NCKAP5: variants seen among roughly 807,000 people sequenced by gnomAD.
The protein encoded by NCKAP5 is nck-associated protein 5.
A neutral mutation model predicts 167.0 loss-of-function variants in NCKAP5; 92 were observed. That is an observed-to-expected ratio of 0.55 (90% confidence interval 0.47 to 0.66). The LOEUF is 0.66. Among genes scored for constraint, NCKAP5 ranks in the 30% least tolerant of loss-of-function variants. The pLI is 0.00. For synonymous variants in NCKAP5, 891 were observed against 877.4 expected, an observed-to-expected ratio of 1.02 and a Z score of -0.27; for missense variants, 2,378 against 2,315.0, an observed-to-expected ratio of 1.03 and a Z score of -0.56.
intron 19 of NCKAP5, among the ~76,000 whole-genome samples, chr2:132,705,355 A>G (rs540762538): frequency 3.8e-4 from 58 of 152,092 alleles, no homozygotes; most frequent in Non-Finnish European, 7.6e-4. Context: ...ACCATCTCCA[A>G]TTCCTCTCTT....
At chr2:132,903,819 A>T (rs1367218439) in intron 8 of NCKAP5, among the ~76,000 whole-genome samples, 1 of 152,200 alleles carries the variant, frequency 6.6e-6, no homozygotes, top group Non-Finnish European at 1.5e-5. Flanking sequence ...AAAAATACAC[A>T]AACTATGATG....
chr2:133,620,334 G>A, the NCKAP5 span, among the ~76,000 whole-genome samples: 1 of 152,036 alleles, frequency 6.6e-6, no homozygotes, highest in Admixed American at 6.6e-5. Context: ...CTGACAGAAT[G>A]GAGAATAATA....
At chr2:133,073,172 A>T (rs1312749906) in intron 6 of NCKAP5, among the ~76,000 whole-genome samples, 4 of 152,214 alleles carry the variant, frequency 2.6e-5, no homozygotes, top group Admixed American at 6.5e-5. Context: ...GAAATCCAAT[A>T]CTTTTTGGCT....
At chr2:133,133,791 G>T (rs1451985864) in intron 5 of NCKAP5, among the ~76,000 whole-genome samples, 1 of 152,130 alleles carries the variant, frequency 6.6e-6, no homozygotes, top group Non-Finnish European at 1.5e-5. Flanking sequence ...CAGCAATAGT[G>T]GTTATTATCA....
intron 19 of NCKAP5, among the ~76,000 whole-genome samples, chr2:132,693,344 T>C (rs989783072): frequency 2.0e-5 from 3 of 152,090 alleles, no homozygotes; most frequent in African/African-American, 7.2e-5. Context: ...CAATCCAATA[T>C]AACTGGGGTC....
intron 3 of NCKAP5, among the ~76,000 whole-genome samples, chr2:133,437,319 CT>C (rs1690551241): frequency 6.6e-6 from 1 of 151,326 alleles, no homozygotes; most frequent in Non-Finnish European, 1.5e-5. Context: ...TGCCATTGCA[CT>C]CCAGCCTGGG....
At chr2:132,743,871 A>C (rs1366853803) in intron 16 of NCKAP5, among the ~76,000 whole-genome samples, 1 of 151,688 alleles carries the variant, frequency 6.6e-6, no homozygotes, top group African/African-American at 2.4e-5. Flanking sequence ...TGCAAACTCT[A>C]ATAAAAAGAA....
intron 3 of NCKAP5, among the ~76,000 whole-genome samples, chr2:133,484,424 G>A (rs1332369690): frequency 1.3e-5 from 2 of 152,180 alleles, no homozygotes; most frequent in South Asian, 2.1e-4. Context: ...AAGCCGGCAT[G>A]TCCTGATTCC....
the NCKAP5 span, among the ~76,000 whole-genome samples, chr2:133,622,833 C>T: frequency 6.6e-6 from 1 of 151,998 alleles, no homozygotes; most frequent in Non-Finnish European, 1.5e-5. Flanking sequence ...AAAAAAGAGC[C>T]CACATAGCCA....
At chr2:133,606,002 C>T in the NCKAP5 span, among the ~76,000 whole-genome samples, 2 of 152,056 alleles carry the variant, frequency 1.3e-5, no homozygotes, top group Non-Finnish European at 2.9e-5. Context: ...TTGCATATGC[C>T]ACAATTACAT....
intron 3 of NCKAP5, among the ~76,000 whole-genome samples, chr2:133,467,479 G>A (rs1232231985): frequency 1.3e-5 from 2 of 151,492 alleles, no homozygotes; most frequent in Non-Finnish European, 2.9e-5. Context: ...CTCTTTTTTT[G>A]TTGTGTCTCT....
chr2:133,396,442 T>C (rs1480073572), intron 3 of NCKAP5, among the ~76,000 whole-genome samples: 1 of 152,110 alleles, frequency 6.6e-6, no homozygotes, highest in Admixed American at 6.6e-5. Flanking sequence ...ATGCTTCTCA[T>C]ATCACATTAA....
chr2:132,945,959 C>G (rs1453422029), intron 8 of NCKAP5, among the ~76,000 whole-genome samples: 1 of 152,200 alleles, frequency 6.6e-6, no homozygotes, highest in Non-Finnish European at 1.5e-5. Flanking sequence ...GCTCTCTCTA[C>G]TTCTTCTGGC....
chr2:132,971,950 A>T (rs2076848158), intron 7 of NCKAP5, among the ~76,000 whole-genome samples: 1 of 152,244 alleles, frequency 6.6e-6, no homozygotes, highest in East Asian at 1.9e-4. Context: ...GTGCGTCTGG[A>T]CAAACACACT....
At chr2:133,179,722 A>G (rs573979679) in intron 5 of NCKAP5, among the ~76,000 whole-genome samples, 5 of 152,308 alleles carry the variant, frequency 3.3e-5, no homozygotes, top group African/African-American at 1.2e-4. Flanking sequence ...ATACAAGTCA[A>G]TGAGTGGGCT....
intron 5 of NCKAP5, among the ~76,000 whole-genome samples, chr2:133,205,767 A>ATC: frequency 6.6e-6 from 1 of 152,142 alleles, no homozygotes; most frequent in Non-Finnish European, 1.5e-5. Context: ...ATATATATAT[A>ATC]TCTCTTTTTA....
At chr2:132,989,643 T>C (rs1309072212) in intron 7 of NCKAP5, among the ~76,000 whole-genome samples, 2 of 152,142 alleles carry the variant, frequency 1.3e-5, no homozygotes, top group Non-Finnish European at 2.9e-5. Flanking sequence ...TATATCTCAG[T>C]TTACTTTATT....
chr2:132,727,147 A>C (rs1390623091), intron 18 of NCKAP5, among the ~76,000 whole-genome samples: 1 of 152,192 alleles, frequency 6.6e-6, no homozygotes, highest in Admixed American at 6.5e-5. Flanking sequence ...ATCCTAGAGA[A>C]GTGTGTCCAT....
At chr2:132,749,722 C>T (rs1342747570) in intron 16 of NCKAP5, among the ~76,000 whole-genome samples, 1 of 151,192 alleles carries the variant, frequency 6.6e-6, no homozygotes, top group African/African-American at 2.4e-5. Flanking sequence ...ACTTAAAATA[C>T]ATATAAGACA....
Sources: allele counts gnomAD v4.1 joint callset (sites outside exome capture counted in the v4.1 genomes callset), GRCh38; gene constraint gnomAD v4.1.1; transcripts MANE v1.5; gene names NCBI Gene and HGNC (gene_info 2026-07-23, HGNC 2026-07-21).